CASZ1: variants seen among roughly 807,000 people sequenced by gnomAD.
CASZ1 encodes the protein zinc finger protein castor homolog 1.
CASZ1 carries 28 observed loss-of-function variants against 135.2 expected under a neutral mutation model. The observed-to-expected ratio is 0.21, with a 90% CI of 0.15 to 0.28. The LOEUF is 0.28. CASZ1 is among the 10% of genes least tolerant of loss of function. The probability of loss-of-function intolerance (pLI) is 1.00; values close to 1 mark genes in which losing one functional copy is unlikely to be tolerated. For missense variants in CASZ1, 2,161 were observed against 2,453.3 expected (o/e 0.88, Z 2.52); for synonymous variants, 1,068 against 1,073.4 (o/e 0.99, Z 0.10).
At chr1:10,693,777 G>GCCC in intron 4 of CASZ1, 97 bp downstream of exon 4, 7 of 756,994 alleles carry the variant, frequency 9.2e-6, no homozygotes, top group East Asian at 4.1e-5. Flanking sequence ...CCCCCACCCG[G>GCCC]CCCCGCCGCC....
At chr1:10,736,442 C>A (rs530213506) in intron 2 of CASZ1, among the ~76,000 whole-genome samples, 4 of 152,312 alleles carry the variant, frequency 2.6e-5, no homozygotes, top group Admixed American at 2.0e-4. Context: ...GTTCTGATCC[C>A]GTGAGTCTGG....
At chr1:10,686,553 G>T (rs1638597981) in intron 4 of CASZ1, among the ~76,000 whole-genome samples, 1 of 152,172 alleles carries the variant, frequency 6.6e-6, no homozygotes, top group Non-Finnish European at 1.5e-5. Context: ...AGACAAGGCG[G>T]GTAGGGTGTC....
In CASZ1 at chr1:10,665,505, C is replaced by T; in HGVS notation, c.83G>A (p.Gly28Asp). The part of the protein sequence containing the change: ...KPAMAPKRKG[G>D]LKLNAICAKL... ...GGCGCAGATGGCGTTCAGCTTCAGGCCACCCTTGCGTTTGGGCGCCATGGC... is the reference window on the plus strand; with the variant it reads ...GGCGCAGATGGCGTTCAGCTTCAGGTCACCCTTGCGTTTGGGCGCCATGGC... Residue 28 changes from glycine (G) to aspartate (D), a missense_variant, in exon 5 of 21, where the codon GGC (glycine) becomes GAC (aspartate). Gly to Asp is a moderately conservative substitution (Grantham distance 94). This residue lies in a region of CASZ1 where 590 missense variants were observed against 609.8 expected (regional missense o/e 0.97). Coordinates refer to ENST00000377022, the MANE Select transcript of CASZ1 (RefSeq NM_001079843.3). 6.2e-7 allele frequency: 1 copy of T among 1,603,548 alleles called. No homozygotes were observed. The highest frequency in any genetic ancestry group is 8.5e-7 in the Non-Finnish European group (1 of 1,178,844).
rs904652737 is a variant in CASZ1, at chr1:10,774,564, C to A, written c.-233-13707G>T. Among the ~76,000 whole-genome samples the A allele has an allele frequency of 1.3e-5, 2 of 150,536 alleles. No individual in the cohort carries two copies. The highest frequency in any genetic ancestry group is 2.4e-5 in the African/African-American group (1 of 40,998). ...CAAGAAATCCCATCCATAGCCCCCCCGATCCAAAAGGATCACCAGGAGATC... is the reference window on the plus strand; with the variant it reads ...CAAGAAATCCCATCCATAGCCCCCCAGATCCAAAAGGATCACCAGGAGATC... On this transcript the variant is annotated intron_variant, in intron 1 of 20. Transcript: ENST00000377022. This position sits in a 1 kb window ranked among gnomAD's most constrained non-coding sequence, Gnocchi z 4.4.
chr1:10,732,469 C>T (rs1190474382), intron 2 of CASZ1, among the ~76,000 whole-genome samples: 1 of 152,020 alleles, frequency 6.6e-6, no homozygotes, highest in Non-Finnish European at 1.5e-5. Flanking sequence ...AGAAAATACA[C>T]GTGGTGGAAC....
chr1:10,759,659 G>A lies in CASZ1; in HGVS notation c.-77+1042C>T, dbSNP rs989357234. ...CACCAAGGCTCCCGTCTCTGCAAGC[G>A]CTTCCTCCCTGCAAGTTCGAAGTCC... On this transcript the variant is annotated intron_variant, in intron 2 of 20. Transcript: ENST00000377022. The surrounding 1 kb of genome is among the most constrained non-coding windows in gnomAD (Gnocchi z 4.2). 6.6e-5 allele frequency among the ~76,000 whole-genome samples: 10 copies of A among 152,150 alleles called. No homozygotes were observed. Among genetic ancestry groups the A allele is most frequent in the African/African-American group, 2.4e-4 (10 of 41,412 alleles).
At position 10,709,190 on chromosome 1, in the gene CASZ1, G is replaced by C. The variant is rs1462713067; in HGVS notation, c.-76-3646C>G. Among the ~76,000 whole-genome samples the C allele has an allele frequency of 6.6e-6, 1 of 152,124 alleles. No homozygotes were observed. The highest frequency in any genetic ancestry group is 2.4e-5 in the African/African-American group (1 of 41,414). ...CCATATTTATGAAGCACCAGGCCAG[G>C]CTCCTCGGCCAGCACTCCTACCTGC... On this transcript the variant is annotated intron_variant, in intron 2 of 20. Transcript: ENST00000377022. The surrounding 1 kb of genome is among the most constrained non-coding windows in gnomAD (Gnocchi z 5.1).
At chr1:10,745,672 T>C (rs1164805313) in intron 2 of CASZ1, among the ~76,000 whole-genome samples, 2 of 152,124 alleles carry the variant, frequency 1.3e-5, no homozygotes, top group African/African-American at 4.8e-5. Flanking sequence ...TGGGTGTGGA[T>C]TTTGGAAGAT....
At position 10,794,957 on chromosome 1, in the gene CASZ1, C is replaced by A. The variant is rs969040721; in HGVS notation, c.-234+1607G>T. Among the ~76,000 whole-genome samples the A allele has an allele frequency of 6.6e-6, 1 of 151,536 alleles. No homozygotes were observed. Among genetic ancestry groups the A allele is most frequent in the Non-Finnish European group, 1.5e-5 (1 of 67,774 alleles). On this transcript the variant is annotated intron_variant, in intron 1 of 20. Coordinates refer to ENST00000377022, the MANE Select transcript of CASZ1 (RefSeq NM_001079843.3). This position sits in a 1 kb window ranked among gnomAD's most constrained non-coding sequence, Gnocchi z 5.6. ...CTCTGCCCGCACCTCGCCACCCCGG[C>A]GGCCGCCCCCTCCCCTTCCAGACCC...
At chr1:10,686,844 G>GTC (rs1298409523) in intron 4 of CASZ1, among the ~76,000 whole-genome samples, 1 of 152,216 alleles carries the variant, frequency 6.6e-6, no homozygotes, top group Non-Finnish European at 1.5e-5. Flanking sequence ...CCTGGACCAG[G>GTC]TCCTGACCAC....
rs977199681 is a variant in CASZ1 at position 10,676,951 on chromosome 1, G to A, written c.17-11380C>T. Among the ~76,000 whole-genome samples, 4 of 152,198 alleles carry A rather than the reference G, an allele frequency of 2.6e-5. No homozygotes were observed. The highest frequency in any genetic ancestry group is 9.6e-5 in the African/African-American group (4 of 41,464). On this transcript the variant is annotated intron_variant, in intron 4 of 20. Transcript: ENST00000377022. The surrounding 1 kb of genome is among the most constrained non-coding windows in gnomAD (Gnocchi z 4.5). ...CACTGCCTCTCGCTGAGGCCCCTGTGGGCACAGCCAGTCAGGGGGTGCAGG... is the reference window on the plus strand; with the variant it reads ...CACTGCCTCTCGCTGAGGCCCCTGTAGGCACAGCCAGTCAGGGGGTGCAGG...
chr1:10,753,301 G>A (rs530782708), intron 2 of CASZ1, among the ~76,000 whole-genome samples: 17 of 152,272 alleles, frequency 1.1e-4, no homozygotes, highest in African/African-American at 2.9e-4. Flanking sequence ...GTCCCTGTCC[G>A]TCTCAGGACA....
At chr1:10,687,097 C>T (rs1013476796) in intron 4 of CASZ1, among the ~76,000 whole-genome samples, 1 of 152,206 alleles carries the variant, frequency 6.6e-6, no homozygotes, top group African/African-American at 2.4e-5. Flanking sequence ...TCTGGGACGC[C>T]TCCTGCTCTC....
In CASZ1 at chr1:10,658,570, T is replaced by A; in HGVS notation, c.1347A>T (p.Gly449=). ...TGACGGCTGGTTTATCTGTGGGCAG[T>A]CCGTTCCTGGCAAGAGACACACAGG... ...TTGTVSTVKN[G]LPTDKPAVTE... is the part of the protein sequence containing the mutation. Residue 449 remains glycine (G), a synonymous_variant, in exon 7 of 21, where the codon GGA becomes GGT. Coordinates refer to ENST00000377022, the MANE Select transcript of CASZ1 (RefSeq NM_001079843.3). 6.2e-7 allele frequency: 1 copy of A among 1,614,050 alleles called. No individual in the cohort carries two copies. The highest frequency in any genetic ancestry group is 1.1e-5 in the South Asian group (1 of 91,084).
intron 15 of CASZ1, 34 bp from the exon 16 acceptor site, chr1:10,648,173 G>A (rs987104066): frequency 1.4e-6 from 2 of 1,435,246 alleles, no homozygotes; most frequent in Non-Finnish European, 1.9e-6. Flanking sequence ...CTCATGGGGG[G>A]CAGTGAAGAC....
chr1:10,751,760 G>A (rs540889190), intron 2 of CASZ1, among the ~76,000 whole-genome samples: 2 of 152,270 alleles, frequency 1.3e-5, no homozygotes, highest in East Asian at 3.9e-4. Context: ...GCCGGGAAAG[G>A]CTGGGAGGAG....
Position 10,649,132 on chromosome 1 carries a change from G to A in CASZ1, c.3096C>T (p.His1032=). 6.2e-7 allele frequency: 1 copy of A among 1,613,788 alleles called. No homozygotes were observed. Residue 1032 remains histidine (H), a synonymous_variant, in exon 15 of 21, where the codon CAC becomes CAT. Transcript: ENST00000377022. ...QCDFLHKAHF[H]CVVEECGALF... Reference sequence around the variant, plus strand: ...GCGCGCCGCATTCCTCCACCACGCAGTGGAAGTGGGCCTTGTGGAGGAAGT... The same window carrying A: ...GCGCGCCGCATTCCTCCACCACGCAATGGAAGTGGGCCTTGTGGAGGAAGT...
intron 2 of CASZ1, among the ~76,000 whole-genome samples, chr1:10,708,437 C>G (rs1351761837): frequency 6.6e-6 from 1 of 152,202 alleles, no homozygotes; most frequent in Non-Finnish European, 1.5e-5. Context: ...AGAAGAAGAG[C>G]ACAGAAGGGA....
At chr1:10,693,161 C>A (rs901636814) in intron 4 of CASZ1, among the ~76,000 whole-genome samples, 3 of 152,118 alleles carry the variant, frequency 2.0e-5, no homozygotes, top group Non-Finnish European at 2.9e-5. Context: ...CAGATGCCTA[C>A]GTTGAGTAGT....
Sources: gnomAD v4.1 joint callset for allele counts (sites outside exome capture counted in the v4.1 genomes callset) on GRCh38, gnomAD v4.1.1 for gene constraint, gnomAD v4.1.1 regional missense constraint, Gnocchi (gnomAD v3.1) non-coding constraint, MANE v1.5 for transcripts, NCBI Gene and HGNC (gene_info 2026-07-23, HGNC 2026-07-21) for gene names.